Variants in FYCO1 observed in about 807,000 individuals in gnomAD.
The protein encoded by FYCO1 is FYVE and coiled-coil domain-containing protein 1.
FYCO1 carries 122 observed loss-of-function variants against 165.1 expected under a neutral mutation model. The observed-to-expected ratio is 0.74, with a 90% CI of 0.64 to 0.86. The LOEUF is 0.86. Among genes scored for constraint, FYCO1 ranks in the 40% least tolerant of loss-of-function variants. The pLI, the probability that FYCO1 is intolerant of heterozygous loss-of-function variation, is 0.00. For missense variants in FYCO1, 1,702 were observed against 1,810.3 expected (o/e 0.94, Z 1.09); for synonymous variants, 648 against 742.5 (o/e 0.87, Z 2.07).
intron 14 of FYCO1, among the ~76,000 whole-genome samples, chr3:45,939,791 G>T (rs1418875684): frequency 6.6e-6 from 1 of 152,182 alleles, no homozygotes; most frequent in African/African-American, 2.4e-5. Flanking sequence ...GTTTAGAACT[G>T]CACTCTTCAA....
rs912476965 is a variant in FYCO1 at position 45,993,645 on chromosome 3, T to G, written c.-113+2077A>C. On this transcript the variant is annotated intron_variant, in intron 1 of 17. Transcript: ENST00000296137. This position sits in a 1 kb window ranked among gnomAD's most constrained non-coding sequence, Gnocchi z 4.4. ...TGAGCAGATGTTGCCCTGACCATAA[T>G]GGACTCATCTGTGCTCACAAGTTGC... Among the ~76,000 whole-genome samples, 1 of 152,222 alleles carries G rather than the reference T, an allele frequency of 6.6e-6. No homozygotes were observed. The highest frequency in any genetic ancestry group is 1.5e-5 in the Non-Finnish European group (1 of 68,038).
intron 16 of FYCO1, among the ~76,000 whole-genome samples, chr3:45,930,543 G>A (rs764377510): frequency 1.3e-4 from 20 of 152,146 alleles, no homozygotes; most frequent in Non-Finnish European, 2.2e-4. Flanking sequence ...ACAACAGTCC[G>A]GGCACTGTCA....
rs770183033 is a variant in FYCO1 at position 45,966,515 on chromosome 3, G to T, written c.2819C>A (p.Ala940Asp). Residue 940 changes from alanine to aspartate, a missense_variant, in exon 8 of 18, where the codon GCC becomes GAC. By Grantham distance (126) the Ala-to-Asp change is moderately radical. Coordinates refer to ENST00000296137, the MANE Select transcript of FYCO1 (RefSeq NM_024513.4). ...CTCCAGGCCCTCTCGCTCCCTTGAGGCTGCCTCTTTGGCGTCCTGGAGCTC... is the reference window on the plus strand; with the variant it reads ...CTCCAGGCCCTCTCGCTCCCTTGAGTCTGCCTCTTTGGCGTCCTGGAGCTC... ...VQELQDAKEAASREREGLERQ... is the reference protein window; with the variant it reads ...VQELQDAKEADSREREGLERQ... The T allele has an allele frequency of 6.2e-6, 10 of 1,613,062 alleles. No individual in the cohort carries two copies. The highest frequency in any genetic ancestry group is 8.5e-6 in the Non-Finnish European group (10 of 1,179,114).
At chr3:45,928,782 C>T in intron 16 of FYCO1, among the ~76,000 whole-genome samples, 1 of 152,192 alleles carries the variant, frequency 6.6e-6, no homozygotes, top group African/African-American at 2.4e-5. Context: ...TGCCCACCCA[C>T]CCCTGTCATG....
At chr3:45,959,657 C>G (rs1705577327) in intron 11 of FYCO1, 115 bp from the exon 12 acceptor site, 1 of 1,124,766 alleles carries the variant, frequency 8.9e-7, no homozygotes, top group Non-Finnish European at 1.3e-6. Context: ...AAAGAAAATT[C>G]ACTTTCACCT....
chr3:45,946,825 C>G (rs772191367), intron 14 of FYCO1: 4 of 1,614,082 alleles, frequency 2.5e-6, no homozygotes, highest in Non-Finnish European at 3.4e-6. Flanking sequence ...AACTTCTACA[C>G]GTCCATGCTC....
chr3:45,984,035 A>G, intron 2 of FYCO1, among the ~76,000 whole-genome samples: 1 of 152,210 alleles, frequency 6.6e-6, no homozygotes, highest in South Asian at 2.1e-4. Flanking sequence ...CTGGGCCTTT[A>G]GTCTGTCAGA....
At chr3:45,931,045 C>G (rs1289160730) in intron 16 of FYCO1, 26 bp downstream of exon 16, 6 of 1,603,906 alleles carry the variant, frequency 3.7e-6, no homozygotes, top group Non-Finnish European at 5.1e-6. Context: ...GTGTAAGGAG[C>G]CCACAGGCAG....
In FYCO1 at chr3:45,962,494, G is replaced by A. The variant is rs997982212; in HGVS notation, c.3270-102C>T. On this transcript the variant is annotated intron_variant, in intron 10 of 17. Coordinates refer to ENST00000296137, the MANE Select transcript of FYCO1 (RefSeq NM_024513.4). This position sits in a 1 kb window ranked among gnomAD's most constrained non-coding sequence, Gnocchi z 4.4. ...CTAATGAGGGGTGCTACTGCCCTCCGCCATGGGGGAGCCCCTTGGTATCTG... is the reference window on the plus strand; with the variant it reads ...CTAATGAGGGGTGCTACTGCCCTCCACCATGGGGGAGCCCCTTGGTATCTG... 28 of 1,045,298 alleles carry A rather than the reference G, an allele frequency of 2.7e-5. No homozygotes were observed. The highest frequency in any genetic ancestry group is 1.4e-4 in the African/African-American group (9 of 63,618). 64.8% of individuals were successfully genotyped at this position (1,045,298 alleles called of 1,614,324 possible).
chr3:45,984,705 A>G (rs1707228762), intron 2 of FYCO1, 151 bp downstream of exon 2: 1 of 755,588 alleles, frequency 1.3e-6, no homozygotes, highest in African/African-American at 1.8e-5. Context: ...GATATTTGAG[A>G]CCCAAATATT....
rs1388719933 is a variant in FYCO1 at position 45,967,962 on chromosome 3, C to T, written c.1372G>A (p.Glu458Lys). The part of the protein sequence containing the change: ...LVKEMAPLQE[E>K]LSGKGQEADQ... ...GCCTCCTGTCCCTTCCCAGACAACT[C>T]CTCCTGGAGTGGGGCCATCTCCTTC... The change falls in exon 8 of 18, where the codon GAG becomes AAG. Residue 458 changes from glutamate (E) to lysine (K), a missense_variant. By Grantham distance (56) the Glu-to-Lys change is moderately conservative. Transcript: ENST00000296137. 6 of 1,614,060 alleles carry T rather than the reference C, an allele frequency of 3.7e-6. No homozygotes were observed. Among genetic ancestry groups the T allele is most frequent in the African/African-American group, 2.7e-5 (2 of 74,922 alleles).
chr3:45,992,608 C>A (rs1342593477), intron 1 of FYCO1, among the ~76,000 whole-genome samples: 2 of 152,168 alleles, frequency 1.3e-5, no homozygotes, highest in Admixed American at 6.5e-5. Context: ...GTCATTTGAC[C>A]TCTTCCTACC....
intron 14 of FYCO1, among the ~76,000 whole-genome samples, chr3:45,941,792 C>T (rs1367437136): frequency 6.6e-6 from 1 of 152,238 alleles, no homozygotes; most frequent in Non-Finnish European, 1.5e-5. Flanking sequence ...CTTGACAAGG[C>T]TCAGGCCATT....
At chr3:45,946,153 C>A in intron 14 of FYCO1, 1 of 260,490 alleles carries the variant, frequency 3.8e-6, no homozygotes. Context: ...GGCAGCAAAG[C>A]GACTTTTGGT....
intron 16 of FYCO1, among the ~76,000 whole-genome samples, chr3:45,926,427 G>T (rs1344481917): frequency 1.3e-5 from 2 of 152,160 alleles, no homozygotes; most frequent in Admixed American, 1.3e-4. Context: ...ATTTCATAAT[G>T]ATAAATATGT....
chr3:45,938,615 T>C (rs1399672918), intron 14 of FYCO1, among the ~76,000 whole-genome samples: 1 of 152,150 alleles, frequency 6.6e-6, no homozygotes, highest in Non-Finnish European at 1.5e-5. Context: ...TGCCTCAGCC[T>C]CCCGAATAGC....
At chr3:45,969,446 C>T (rs1653786471) in intron 7 of FYCO1, among the ~76,000 whole-genome samples, 4 of 152,324 alleles carry the variant, frequency 2.6e-5, no homozygotes, top group African/African-American at 7.2e-5. Flanking sequence ...TGCTAAACTG[C>T]TTCTTTTAAA....
rs768824895 is a variant in FYCO1 at position 45,923,755 on chromosome 3, G to A, written c.4262C>T (p.Pro1421Leu). The A allele has an allele frequency of 6.2e-7, 1 of 1,613,552 alleles. No individual in the cohort carries two copies. The highest frequency in any genetic ancestry group is 8.5e-7 in the Non-Finnish European group (1 of 1,179,486). The change falls in exon 17 of 18, where the codon CCC (proline) becomes CTC (leucine). Residue 1421 changes from proline (P) to leucine (L), a missense_variant. Transcript: ENST00000296137. Reference sequence around the variant, plus strand: ...CTTGTGGGAGTTGCATCGGGTCGTGGGAATGAGGACCTGGGAGGGAAAGCA... The same window carrying A: ...CTTGTGGGAGTTGCATCGGGTCGTGAGAATGAGGACCTGGGAGGGAAAGCA... ...TPLDQCKVLI[P>L]TTRCNSHKEN...
In FYCO1 at chr3:45,958,418, T is replaced by C. The variant is rs41289618; in HGVS notation, c.3789A>G (p.Thr1263=). 0.031 allele frequency: 50,141 copies of C among 1,612,242 alleles called. 886 individuals carry two copies. Among genetic ancestry groups the C allele is most frequent in the Middle Eastern group, 0.038 (182 of 4,770 alleles). ...TAGCAGGAGACTGACCTTGGCCTCC[T>C]GTGGCCTGGGGCCCAGGTGAGGCTG... is the stretch of plus-strand genomic sequence containing the variant. ...LSPASPGPQA[T]GGQGANTDYR... The change falls in exon 13 of 18, where the codon ACA becomes ACG. Residue 1263 remains threonine (T), a synonymous_variant. Coordinates refer to ENST00000296137, the MANE Select transcript of FYCO1 (RefSeq NM_024513.4).
Sources: allele counts gnomAD v4.1 joint callset (sites outside exome capture counted in the v4.1 genomes callset), GRCh38; gene constraint gnomAD v4.1.1; non-coding constraint Gnocchi (gnomAD v3.1); transcripts MANE v1.5; gene names NCBI Gene and HGNC (gene_info 2026-07-23, HGNC 2026-07-21).